HTR2A: variants seen among roughly 807,000 people sequenced by gnomAD.
HTR2A encodes the protein 5-HT2 receptor.
HTR2A carries 14 observed loss-of-function variants against 31.0 expected under a neutral mutation model. That is an observed-to-expected ratio of 0.45 (90% CI 0.30 to 0.71). HTR2A has a LOEUF of 0.71. Ranked by LOEUF, HTR2A falls within the 30% of genes least tolerant of loss-of-function variation. The pLI is 0.09. For synonymous variants in HTR2A, 209 were observed against 225.2 expected, an observed-to-expected ratio of 0.93 and a Z score of 0.64; for missense variants, 442 against 573.3, an observed-to-expected ratio of 0.77 and a Z score of 2.34.
intron 3 of HTR2A, among the ~76,000 whole-genome samples, chr13:46,891,062 G>A (rs1436172131): frequency 6.6e-6 from 1 of 152,194 alleles, no homozygotes; most frequent in Non-Finnish European, 1.5e-5. Flanking sequence ...AGAAAGAACA[G>A]GGCATGGTGC....
intron 3 of HTR2A, among the ~76,000 whole-genome samples, chr13:46,841,315 T>G (rs1003380098): frequency 1.3e-5 from 2 of 152,196 alleles, no homozygotes; most frequent in African/African-American, 4.8e-5. Flanking sequence ...TTTCTGTACC[T>G]TGATTTTGTT....
chr13:46,892,589 C>A lies in HTR2A; in HGVS notation c.414G>T (p.Gly138=). 1 of 1,613,968 alleles carries A rather than the reference C, an allele frequency of 6.2e-7. No individual in the cohort carries two copies. ...GCTTGCTCGGCAGAGGCCACCGGTA[C>A]CCTATGAGGCAGAAGGTTGGTGTCA... ...MPVSMLTILY[G]YRWPLPSKLC... The change falls in exon 3 of 4, where the codon GGG becomes GGT. Residue 138 remains glycine, a splice_region_variant and synonymous_variant. Coordinates refer to ENST00000542664, the MANE Select transcript of HTR2A (RefSeq NM_000621.5).
intron 3 of HTR2A, among the ~76,000 whole-genome samples, chr13:46,860,491 G>A (rs1269368394): frequency 6.6e-6 from 1 of 152,146 alleles, no homozygotes; most frequent in African/African-American, 2.4e-5. Context: ...TCACCTTTAT[G>A]TTCTTTTGGA....
Position 46,835,022 on chromosome 13 carries a change from C to A in HTR2A, c.1231G>T (p.Val411Leu). Residue 411 changes from valine (V) to leucine (L), a missense_variant, in exon 4 of 4, where the codon GTG becomes TTG. Coordinates refer to ENST00000542664, the MANE Select transcript of HTR2A (RefSeq NM_000621.5). Reference sequence around the variant, plus strand: ...TAGGCCAAAGCCGGTATTGTGTTCACTAAAATTAACTGCAATGGTTTTTTG... The same window carrying A: ...TAGGCCAAAGCCGGTATTGTGTTCAATAAAATTAACTGCAATGGTTTTTTG... Reference protein sequence around the residue: ...ENKKPLQLILVNTIPALAYKS... With the variant: ...ENKKPLQLILLNTIPALAYKS... The A allele has an allele frequency of 6.2e-7, 1 of 1,614,142 alleles. No individual in the cohort carries two copies. Among genetic ancestry groups the A allele is most frequent in the Admixed American group, 1.7e-5 (1 of 60,004 alleles).
At chr13:46,889,298 T>C (rs1951032176) in intron 3 of HTR2A, among the ~76,000 whole-genome samples, 1 of 152,156 alleles carries the variant, frequency 6.6e-6, no homozygotes, top group African/African-American at 2.4e-5. Flanking sequence ...AAAATTTGTA[T>C]GCAGCTAATA....
chr13:46,834,448 A>G lies in HTR2A; in HGVS notation c.*389T>C, dbSNP rs1322228013. ...ATTTTCACTATTTATAGCTATTTTT[A>G]TTTACAGCAATAGGTAACCAACTCA... On this transcript the variant is annotated 3_prime_UTR_variant, in exon 4 of 4. Transcript: ENST00000542664. The G allele has an allele frequency of 1.2e-5, 2 of 164,460 alleles. No homozygotes were observed. The highest frequency in any genetic ancestry group is 1.7e-4 in the East Asian group (1 of 5,740). The allele number at this position is 164,460 out of a possible 1,614,324, so 10.2% of individuals were successfully genotyped here.
intron 3 of HTR2A, among the ~76,000 whole-genome samples, chr13:46,859,020 A>C (rs1327592556): frequency 6.6e-6 from 1 of 152,352 alleles, no homozygotes; most frequent in East Asian, 1.9e-4. Context: ...AGAATTTGGC[A>C]TCACTTTGCC....
At chr13:46,870,873 C>T (rs1476874386) in intron 3 of HTR2A, among the ~76,000 whole-genome samples, 2 of 152,034 alleles carry the variant, frequency 1.3e-5, no homozygotes, top group African/African-American at 4.8e-5. Context: ...TTTCAAGATT[C>T]AATATATATA....
chr13:46,853,144 T>G (rs1203331444), intron 3 of HTR2A, among the ~76,000 whole-genome samples: 2 of 152,170 alleles, frequency 1.3e-5, no homozygotes, highest in Admixed American at 6.6e-5. Flanking sequence ...TATATCCCCT[T>G]CAGGGGATAT....
At position 46,832,482 on chromosome 13, in the gene HTR2A, A is replaced by C. The variant is rs1876280340; in HGVS notation, c.*2355T>G. 4 of 152,352 alleles carry C rather than the reference A, an allele frequency of 2.6e-5. No individual in the cohort carries two copies. The South Asian group carries it at 8.3e-4, about 32-fold the overall frequency. 9.4% of individuals were successfully genotyped at this position (152,352 alleles called of 1,614,324 possible). ...GGTAGTCAAAAGACATCTATCAGGC[A>C]ACATTAATGTACATTCTGATCAAGA... On this transcript the variant is annotated 3_prime_UTR_variant, in exon 4 of 4. Coordinates refer to ENST00000542664, the MANE Select transcript of HTR2A (RefSeq NM_000621.5).
chr13:46,892,532 G>C lies in HTR2A; in HGVS notation c.471C>G (p.Leu157=), dbSNP rs909805204. The change falls in exon 3 of 4, where the codon CTC becomes CTG. Residue 157 remains leucine, a synonymous_variant. Transcript: ENST00000542664. ...GGTGCATGATGGAGGCCGTGGAGAAGAGCACGTCCAGGTAAATCCAGACTG... is the reference window on the plus strand; with the variant it reads ...GGTGCATGATGGAGGCCGTGGAGAACAGCACGTCCAGGTAAATCCAGACTG... ...LCAVWIYLDV[L]FSTASIMHLC... is the part of the protein sequence containing the mutation. The C allele has an allele frequency of 6.2e-7, 1 of 1,614,230 alleles. No individual in the cohort carries two copies. The highest frequency in any genetic ancestry group is 1.7e-5 in the Admixed American group (1 of 60,024).
At position 46,895,412 on chromosome 13, in the gene HTR2A, CT is replaced by C; in HGVS notation, c.412+82del. On this transcript the variant is annotated intron_variant, in intron 2 of 3. Coordinates refer to ENST00000542664, the MANE Select transcript of HTR2A (RefSeq NM_000621.5). The surrounding 1 kb of genome is among the most constrained non-coding windows in gnomAD (Gnocchi z 4.4). ...CTTCTATTTATAGTTTGTTTGCCCC[CT>C]GAGCCCCATCTCATCTGCTGGTGGC... 6 of 1,291,768 alleles carry C rather than the reference CT, an allele frequency of 4.6e-6. No individual in the cohort carries two copies. The highest frequency in any genetic ancestry group is 6.4e-6 in the Non-Finnish European group (6 of 930,872). The allele number at this position is 1,291,768 out of a possible 1,614,324, so 80.0% of individuals were successfully genotyped here. A position where few individuals can be genotyped will look rare whatever the true frequency, so the allele number is the denominator to read the frequency against.
At chr13:46,873,469 T>A (rs1467891399) in intron 3 of HTR2A, among the ~76,000 whole-genome samples, 3 of 129,024 alleles carry the variant, frequency 2.3e-5, no homozygotes, top group Non-Finnish European at 5.2e-5. Flanking sequence ...TATTATACTT[T>A]AAGTTTTAGG....
chr13:46,864,294 TG>T (rs1270726686), intron 3 of HTR2A, among the ~76,000 whole-genome samples: 1 of 152,094 alleles, frequency 6.6e-6, no homozygotes, highest in African/African-American at 2.4e-5. Context: ...AAATAAATAA[TG>T]GGTACTATGC....
intron 3 of HTR2A, among the ~76,000 whole-genome samples, chr13:46,868,301 G>A (rs1246021497): frequency 6.6e-6 from 1 of 152,188 alleles, no homozygotes; most frequent in Non-Finnish European, 1.5e-5. Context: ...GGCTGGAAAT[G>A]CAGTCTTAAG....
chr13:46,868,883 A>G (rs1245461220), intron 3 of HTR2A, among the ~76,000 whole-genome samples: 2 of 152,214 alleles, frequency 1.3e-5, no homozygotes, highest in African/African-American at 4.8e-5. Context: ...AGTGTTAGAA[A>G]AATAAAACTT....
At chr13:46,871,590 C>T (rs1950863455) in intron 3 of HTR2A, among the ~76,000 whole-genome samples, 1 of 152,190 alleles carries the variant, frequency 6.6e-6, no homozygotes, top group Non-Finnish European at 1.5e-5. Flanking sequence ...GTTTATTACA[C>T]CAAGAACCAA....
At chr13:46,856,586 C>A (rs1566306971) in intron 3 of HTR2A, among the ~76,000 whole-genome samples, 1 of 149,602 alleles carries the variant, frequency 6.7e-6, no homozygotes, top group Non-Finnish European at 1.5e-5. Context: ...GGCTTTAACT[C>A]TCTTAGTTAA....
At chr13:46,887,194 C>A (rs1192510279) in intron 3 of HTR2A, among the ~76,000 whole-genome samples, 1 of 151,866 alleles carries the variant, frequency 6.6e-6, no homozygotes, top group African/African-American at 2.4e-5. Flanking sequence ...CCGAGGCGGG[C>A]GGATCATGAG....
Sources: gnomAD v4.1 joint callset for allele counts (sites outside exome capture counted in the v4.1 genomes callset) on GRCh38, gnomAD v4.1.1 for gene constraint, Gnocchi (gnomAD v3.1) non-coding constraint, MANE v1.5 for transcripts, NCBI Gene and HGNC (gene_info 2026-07-23, HGNC 2026-07-21) for gene names.